The following MAP4K5 variants were observed in gnomAD, a reference collection of about 807,000 sequenced individuals.
MAP4K5 encodes the protein MAPK/ERK kinase kinase kinase 5.
In MAP4K5, 82 loss-of-function variants were observed where a neutral mutation model predicts 135.6. The observed-to-expected ratio is 0.60, with a 90% CI of 0.51 to 0.73. The LOEUF (loss-of-function observed/expected upper bound fraction) is 0.73. Among genes scored for constraint, MAP4K5 ranks in the 30% least tolerant of loss-of-function variants. The pLI is 0.00. For missense variants in MAP4K5, 907 were observed against 1,010.9 expected (o/e 0.90, Z 1.39); for synonymous variants, 347 against 335.0 (o/e 1.04, Z -0.39).
Position 50,476,109 on chromosome 14 carries a change from G to T in MAP4K5, c.469+19C>A. On this transcript the variant is annotated intron_variant, in intron 8 of 32. Transcript: ENST00000682126. ...CATTAAATTTTTGGAAAAAATTTTA[G>T]GAATTTGAAATAACATACCTAATTT... is the stretch of plus-strand genomic sequence containing the variant. 1 of 1,397,188 alleles carries T rather than the reference G, an allele frequency of 7.2e-7. No homozygotes were observed. The highest frequency in any genetic ancestry group is 1.5e-5 in the African/African-American group (1 of 67,072). The allele number at this position is 1,397,188 out of a possible 1,614,324, so 86.5% of individuals were successfully genotyped here.
chr14:50,480,406 T>TC (rs1047295957), intron 6 of MAP4K5, among the ~76,000 whole-genome samples: 2 of 150,606 alleles, frequency 1.3e-5, no homozygotes, highest in African/African-American at 2.4e-5. Flanking sequence ...ATTCTTTCTT[T>TC]TTTTTTTTTT....
intron 3 of MAP4K5, among the ~76,000 whole-genome samples, chr14:50,494,292 C>T (rs768346990): frequency 2.0e-5 from 3 of 151,874 alleles, no homozygotes; most frequent in Non-Finnish European, 2.9e-5. Flanking sequence ...CCTCAGCCTC[C>T]CGAGTAGCTG....
chr14:50,444,032 A>G lies in MAP4K5; in HGVS notation c.1344T>C (p.Asn448=). ...GPVAETSSIG[N]GDGISKLMSE... is the part of the protein sequence containing the mutation. ...TCATCAGTTTTGAAATACCATCACC[A>G]TTTCCTAAAGAGAATCATGTTAAAA... Residue 448 remains asparagine, a synonymous_variant, in exon 19 of 33, where the codon AAT becomes AAC. Coordinates refer to ENST00000682126, the MANE Select transcript of MAP4K5 (RefSeq NM_006575.6). The G allele has an allele frequency of 1.3e-6, 2 of 1,594,572 alleles. No homozygotes were observed. The highest frequency in any genetic ancestry group is 4.5e-5 in the East Asian group (2 of 44,512).
At chr14:50,430,546 G>A (rs868154428) in intron 28 of MAP4K5, among the ~76,000 whole-genome samples, 4 of 152,200 alleles carry the variant, frequency 2.6e-5, no homozygotes, top group African/African-American at 9.7e-5. Flanking sequence ...ACTACCTTTT[G>A]AAGTTACCTC....
Position 50,438,075 on chromosome 14 carries a change from AAAG to A in MAP4K5, c.1708+14_1708+16del, listed in dbSNP as rs1469790919. 3.2e-6 allele frequency: 3 copies of A among 932,484 alleles called. No individual in the cohort carries two copies. Among genetic ancestry groups the A allele is most frequent in the Non-Finnish European group, 5.3e-6 (3 of 561,648 alleles). The allele number at this position is 932,484 out of a possible 1,614,324, so 57.8% of individuals were successfully genotyped here. On this transcript the variant is annotated intron_variant, in intron 24 of 32. Coordinates refer to ENST00000682126, the MANE Select transcript of MAP4K5 (RefSeq NM_006575.6). ...AGCAGAGAAATACAATTTTCGAGAA[AAAG>A]AAAACGTAATTACCTTCTAAAACGA...
At chr14:50,447,813 T>A (rs2036389987) in intron 15 of MAP4K5, among the ~76,000 whole-genome samples, 1 of 152,208 alleles carries the variant, frequency 6.6e-6, no homozygotes, top group Non-Finnish European at 1.5e-5. Context: ...CATGGAAAAC[T>A]AAATATCATA....
At chr14:50,513,333 TAAAC>T (rs1167515418) in intron 2 of MAP4K5, among the ~76,000 whole-genome samples, 3 of 152,148 alleles carry the variant, frequency 2.0e-5, no homozygotes, top group Non-Finnish European at 2.9e-5. Context: ...GATTTCCACT[TAAAC>T]AAACAAAAAA....
intron 2 of MAP4K5, among the ~76,000 whole-genome samples, chr14:50,515,415 AC>A (rs552024612): frequency 6.2e-4 from 94 of 151,894 alleles, no homozygotes; most frequent in African/African-American, 2.1e-3. Context: ...CCATTCTCCC[AC>A]CTCATCAATT....
chr14:50,555,503 G>C (rs927407713), intron 1 of MAP4K5, among the ~76,000 whole-genome samples: 77 of 152,202 alleles, frequency 5.1e-4, no homozygotes, highest in African/African-American at 1.6e-3. Flanking sequence ...AGGCTGGTTT[G>C]AAACTCCTGA....
intron 26 of MAP4K5, 125 bp from the exon 27 acceptor site, chr14:50,435,190 G>C (rs2036062973): frequency 8.2e-6 from 4 of 489,362 alleles, no homozygotes; most frequent in Non-Finnish European, 1.1e-5. Context: ...TTTTCTTTTG[G>C]CTTCATTGCC....
At chr14:50,460,465 T>C (rs947305026) in intron 13 of MAP4K5, among the ~76,000 whole-genome samples, 12 of 152,174 alleles carry the variant, frequency 7.9e-5, no homozygotes, top group African/African-American at 2.9e-4. Context: ...TGTCTGGTTA[T>C]TTACATAACT....
intron 29 of MAP4K5, 76 bp downstream of exon 29, chr14:50,429,116 G>A (rs904271401): frequency 1.7e-5 from 14 of 828,408 alleles, no homozygotes; most frequent in Non-Finnish European, 2.2e-5. Flanking sequence ...TAAAAATCTT[G>A]AATTATGGTT....
chr14:50,516,022 C>A (rs1412216548), intron 2 of MAP4K5, among the ~76,000 whole-genome samples: 1 of 152,236 alleles, frequency 6.6e-6, no homozygotes, highest in Non-Finnish European at 1.5e-5. Flanking sequence ...ACCACACTCA[C>A]TTAAGCCCAA....
intron 1 of MAP4K5, among the ~76,000 whole-genome samples, chr14:50,542,934 A>T (rs1413885061): frequency 1.3e-5 from 2 of 152,248 alleles, no homozygotes; most frequent in Non-Finnish European, 2.9e-5. Flanking sequence ...AGTAGCTAAT[A>T]GGTTGGTCAA....
intron 28 of MAP4K5, among the ~76,000 whole-genome samples, chr14:50,431,060 C>A (rs9323186): frequency 0.99 from 151,364 of 152,296 alleles, 75,231 homozygotes; most frequent in Middle Eastern, 1. Flanking sequence ...CAATTGAAGG[C>A]GGTAACTTTC....
intron 2 of MAP4K5, among the ~76,000 whole-genome samples, chr14:50,525,943 C>T (rs1352948886): frequency 6.6e-6 from 1 of 152,186 alleles, no homozygotes; most frequent in Non-Finnish European, 1.5e-5. Flanking sequence ...CCTCTATTCT[C>T]CATCTATAAA....
intron 3 of MAP4K5, among the ~76,000 whole-genome samples, chr14:50,493,596 A>T (rs2037532134): frequency 1.3e-5 from 2 of 152,220 alleles, no homozygotes; most frequent in Admixed American, 1.3e-4. Context: ...AAATAAACAA[A>T]TTTAGCAAAA....
intron 3 of MAP4K5, among the ~76,000 whole-genome samples, chr14:50,504,547 C>T (rs1236684563): frequency 1.3e-5 from 2 of 152,104 alleles, no homozygotes; most frequent in East Asian, 3.8e-4. Flanking sequence ...AAATACTTCA[C>T]TATCATCTTA....
intron 31 of MAP4K5, among the ~76,000 whole-genome samples, chr14:50,425,458 A>G (rs2035824999): frequency 6.6e-6 from 1 of 152,252 alleles, no homozygotes; most frequent in Admixed American, 6.5e-5. Context: ...ATTATTTACA[A>G]TAATAGTGTC....
Sources: allele counts gnomAD v4.1 joint callset (sites outside exome capture counted in the v4.1 genomes callset), GRCh38; gene constraint gnomAD v4.1.1; transcripts MANE v1.5; gene names NCBI Gene and HGNC (gene_info 2026-07-23, HGNC 2026-07-21).